LCLAT1: variants seen among roughly 807,000 people sequenced by gnomAD.
The protein encoded by LCLAT1 is 1-AGP acyltransferase 8.
A neutral mutation model predicts 30.7 loss-of-function variants in LCLAT1; 11 were observed. The observed-to-expected ratio is 0.36, with a 90% confidence interval of 0.23 to 0.59. The LOEUF (loss-of-function observed/expected upper bound fraction) is 0.59, where lower values mean the gene tolerates loss of function less well. Ranked by LOEUF, LCLAT1 falls within the 20% of genes least tolerant of loss-of-function variation. The pLI is 0.77. For missense variants in LCLAT1, 402 were observed against 458.6 expected, an observed-to-expected ratio of 0.88 and a Z score of 1.13; for synonymous variants, 155 against 151.3, an observed-to-expected ratio of 1.02 and a Z score of -0.18.
At chr2:30,633,491 A>G (rs1042660673) in intron 5 of LCLAT1, among the ~76,000 whole-genome samples, 4 of 152,152 alleles carry the variant, frequency 2.6e-5, no homozygotes, top group Admixed American at 6.5e-5. Context: ...GATCAAGACC[A>G]TCCTGGCCAA....
At chr2:30,615,930 C>T (rs1667974106) in intron 5 of LCLAT1, among the ~76,000 whole-genome samples, 1 of 152,144 alleles carries the variant, frequency 6.6e-6, no homozygotes, top group South Asian at 2.1e-4. Flanking sequence ...GTGAATTGAT[C>T]AGCTTGTGTA....
At chr2:30,526,746 T>C (rs956322934) in intron 2 of LCLAT1, among the ~76,000 whole-genome samples, 15 of 152,216 alleles carry the variant, frequency 9.9e-5, no homozygotes, top group African/African-American at 1.9e-4. Context: ...AGGACAGATA[T>C]GATCTCTGTC....
chr2:30,461,846 C>A (rs371543344), intron 1 of LCLAT1, among the ~76,000 whole-genome samples: 1 of 147,076 alleles, frequency 6.8e-6, no homozygotes, highest in South Asian at 2.3e-4. Context: ...TCTCGGCTCA[C>A]TGCAAGCTCC....
chr2:30,613,253 AG>A (rs905747500), intron 5 of LCLAT1, among the ~76,000 whole-genome samples: 6 of 152,068 alleles, frequency 3.9e-5, no homozygotes, highest in Admixed American at 3.9e-4. Flanking sequence ...ACTGGGGAGA[AG>A]GGGTGAAGGG....
intron 1 of LCLAT1, among the ~76,000 whole-genome samples, chr2:30,456,345 C>T (rs1681834845): frequency 6.6e-6 from 1 of 152,136 alleles, no homozygotes; most frequent in South Asian, 2.1e-4. Flanking sequence ...CTCATTACTG[C>T]CAGGTGGGAG....
chr2:30,505,149 A>G (rs1452762250), intron 1 of LCLAT1, among the ~76,000 whole-genome samples: 1 of 152,168 alleles, frequency 6.6e-6, no homozygotes, highest in African/African-American at 2.4e-5. Context: ...GCAAGGAAAC[A>G]TCTTTGTACA....
At chr2:30,516,205 G>A (rs889601462) in intron 1 of LCLAT1, among the ~76,000 whole-genome samples, 6 of 152,144 alleles carry the variant, frequency 3.9e-5, no homozygotes, top group African/African-American at 1.4e-4. Context: ...ACTGGCAGTG[G>A]CAACCCCCTT....
chr2:30,528,952 A>G (rs939355768), intron 2 of LCLAT1, among the ~76,000 whole-genome samples: 1 of 152,206 alleles, frequency 6.6e-6, no homozygotes, highest in Non-Finnish European at 1.5e-5. Context: ...AACAGAGAAG[A>G]ACCATCAAGG....
intron 2 of LCLAT1, among the ~76,000 whole-genome samples, chr2:30,527,564 T>A (rs1211692462): frequency 1.3e-5 from 2 of 152,190 alleles, no homozygotes; most frequent in East Asian, 3.8e-4. Context: ...AGCAGAGTGC[T>A]TATTTTCACA....
chr2:30,465,369 TTTG>T (rs549291951), intron 1 of LCLAT1, among the ~76,000 whole-genome samples: 1 of 152,264 alleles, frequency 6.6e-6, no homozygotes, highest in South Asian at 2.1e-4. Flanking sequence ...ACCTGGAGCC[TTTG>T]GAGGGAGTGT....
chr2:30,451,377 G>A (rs1412833195), intron 1 of LCLAT1, among the ~76,000 whole-genome samples: 4 of 152,184 alleles, frequency 2.6e-5, no homozygotes, highest in Non-Finnish European at 5.9e-5. Flanking sequence ...ACTCCTACCC[G>A]TGATCAAATG....
intron 1 of LCLAT1, among the ~76,000 whole-genome samples, chr2:30,456,742 C>T (rs530921653): frequency 3.9e-5 from 6 of 152,250 alleles, no homozygotes; most frequent in African/African-American, 1.2e-4. Context: ...CCATATTTTC[C>T]ATGGGTCCCA....
intron 5 of LCLAT1, among the ~76,000 whole-genome samples, chr2:30,581,224 G>A (rs559445215): frequency 2.0e-5 from 3 of 152,232 alleles, no homozygotes; most frequent in African/African-American, 7.2e-5. Flanking sequence ...GACTTGACAT[G>A]CCTCACAGTG....
intron 1 of LCLAT1, chr2:30,459,778 G>C (rs1309111337): frequency 8.7e-7 from 1 of 1,154,296 alleles, no homozygotes; most frequent in Admixed American, 1.7e-5. Flanking sequence ...TCATATATCT[G>C]AACACAAAGC....
At position 30,544,750 on chromosome 2, in the gene LCLAT1, T is replaced by G. The variant is rs561425364; in HGVS notation, c.364+11436T>G. On this transcript the variant is annotated intron_variant, in intron 3 of 5. Transcript: ENST00000379509. ...CACTTTGGATATTGGTTTATGAAGGTGGATACACCCTCCTACCCCTTACCT... is the reference window on the plus strand; with the variant it reads ...CACTTTGGATATTGGTTTATGAAGGGGGATACACCCTCCTACCCCTTACCT... Among the ~76,000 whole-genome samples, 25 of 152,282 alleles carry G rather than the reference T, an allele frequency of 1.6e-4. No homozygotes were observed. The Middle Eastern group carries it at 0.01, about 62-fold the overall frequency.
At chr2:30,593,974 C>A (rs568173756) in intron 5 of LCLAT1, among the ~76,000 whole-genome samples, 3 of 150,326 alleles carry the variant, frequency 2.0e-5, no homozygotes, top group African/African-American at 4.9e-5. Flanking sequence ...TTTTATCATT[C>A]CACTGACTCC....
chr2:30,472,539 T>C (rs1008423689), intron 1 of LCLAT1, among the ~76,000 whole-genome samples: 5 of 152,186 alleles, frequency 3.3e-5, no homozygotes, highest in African/African-American at 1.2e-4. Context: ...ATGGAAACTT[T>C]TTCTTTTCTT....
intron 1 of LCLAT1, among the ~76,000 whole-genome samples, chr2:30,495,687 G>C (rs573118993): frequency 2.8e-4 from 43 of 152,226 alleles, no homozygotes; most frequent in Middle Eastern, 3.4e-3. Context: ...AAGGGTGGGG[G>C]TGAAAGGGCA....
intron 1 of LCLAT1, among the ~76,000 whole-genome samples, chr2:30,471,347 C>G (rs1682778500): frequency 1.3e-5 from 2 of 152,180 alleles, no homozygotes; most frequent in South Asian, 4.1e-4. Context: ...GTAGCTGGAA[C>G]TACAGGTGTG....
Sources: allele counts gnomAD v4.1 joint callset (sites outside exome capture counted in the v4.1 genomes callset), GRCh38; gene constraint gnomAD v4.1.1; transcripts MANE v1.5; gene names NCBI Gene and HGNC (gene_info 2026-07-23, HGNC 2026-07-21).